EIF4G1: variants seen among roughly 807,000 people sequenced by gnomAD.
The protein encoded by EIF4G1 is EIF4-gamma.
Under a neutral mutation model 187.8 loss-of-function variants are expected in EIF4G1, and 4 were observed. The observed-to-expected ratio is 0.02, with a 90% confidence interval of 0.01 to 0.05. The LOEUF is 0.05. EIF4G1 is among the 10% of genes least tolerant of loss of function. EIF4G1 has a pLI of 1.00. For missense variants in EIF4G1, 1,647 were observed against 2,081.1 expected, an observed-to-expected ratio of 0.79 and a Z score of 4.06; for synonymous variants, 844 against 781.4, an observed-to-expected ratio of 1.08 and a Z score of -1.34.
In EIF4G1 at chr3:184,323,652, G is replaced by A. The variant is rs1724309791; in HGVS notation, c.2274+59G>A. On this transcript the variant is annotated intron_variant, in intron 15 of 32. Coordinates refer to ENST00000346169, the MANE Select transcript of EIF4G1 (RefSeq NM_198241.3). This position sits in a 1 kb window ranked among gnomAD's most constrained non-coding sequence, Gnocchi z 6.9. ...TTTCTTCTCCAGGTCTGCCATCTGT[G>A]CCCTCTTTGCTTCTTTTTGTCCTTA... 1 of 1,611,808 alleles carries A rather than the reference G, an allele frequency of 6.2e-7. No homozygotes were observed. The highest frequency in any genetic ancestry group is 8.5e-7 in the Non-Finnish European group (1 of 1,179,408).
rs1724599217 is a variant in EIF4G1, at chr3:184,324,933, G to A, written c.2675G>A (p.Arg892Gln). 1.9e-6 allele frequency: 3 copies of A among 1,614,222 alleles called. No homozygotes were observed. Among genetic ancestry groups the A allele is most frequent in the Middle Eastern group, 1.6e-4 (1 of 6,062 alleles). ...CTGGAAGAGGCTCGGGACATAGCCC[G>A]GCGGCGCTCTTTAGGGAATATCAAG... Reference protein sequence around the residue: ...EELEEARDIARRRSLGNIKFI... With the variant: ...EELEEARDIAQRRSLGNIKFI... Residue 892 changes from arginine (R) to glutamine (Q), a missense_variant, in exon 18 of 33, where the codon CGG becomes CAG. Physicochemically the swap from Arg to Gln is conservative, Grantham distance 43 (BLOSUM62 1). This residue lies in a region of EIF4G1 where 142 missense variants were observed against 296.6 expected (regional missense o/e 0.48). Coordinates refer to ENST00000346169, the MANE Select transcript of EIF4G1 (RefSeq NM_198241.3).
chr3:184,318,292 CAAAT>C (rs1294115560), intron 6 of EIF4G1, among the ~76,000 whole-genome samples: 4 of 152,164 alleles, frequency 2.6e-5, no homozygotes, highest in African/African-American at 9.7e-5. Flanking sequence ...AAAATTTAAA[CAAAT>C]ACACTTGTGC....
chr3:184,324,147 G>A, intron 16 of EIF4G1, 54 bp from the exon 17 acceptor site: 1 of 1,613,522 alleles, frequency 6.2e-7, no homozygotes, highest in Non-Finnish European at 8.5e-7. Flanking sequence ...GGCTCTTGGA[G>A]GGCCTTCCCT....
chr3:184,328,282 C>T (rs1220143859), intron 26 of EIF4G1: 2 of 487,678 alleles, frequency 4.1e-6, no homozygotes, highest in East Asian at 4.1e-5. Context: ...ATCCCAGCTA[C>T]TCGGAGGCTG....
intron 6 of EIF4G1, among the ~76,000 whole-genome samples, chr3:184,318,690 C>T (rs752037106): frequency 1.3e-5 from 2 of 152,146 alleles, no homozygotes; most frequent in South Asian, 2.1e-4. Flanking sequence ...CTGCAGCCTC[C>T]GCCTCTTGGG....
rs1016982345 is a variant in EIF4G1 at position 184,321,149 on chromosome 3, G to A, written c.698-133G>A. 3.2e-5 allele frequency: 48 copies of A among 1,488,266 alleles called. No individual in the cohort carries two copies. The African/African-American group carries it at 5.8e-4, about 18-fold the overall frequency. The allele number at this position is 1,488,266 out of a possible 1,614,324, so 92.2% of individuals were successfully genotyped here. On this transcript the variant is annotated intron_variant, in intron 9 of 32. Coordinates refer to ENST00000346169, the MANE Select transcript of EIF4G1 (RefSeq NM_198241.3). The stretch of plus-strand genomic sequence containing the variant: ...GGTGAATTGGGTTTTGGATGAAAGT[G>A]GAAGTATAGCTTAGGTGGGGAGAAG...
At chr3:184,316,312 T>A in intron 4 of EIF4G1, 94 bp downstream of exon 4, 1 of 1,482,298 alleles carries the variant, frequency 6.7e-7, no homozygotes, top group Admixed American at 1.9e-5. Context: ...GGAGGCCCCA[T>A]ACCTGGCCTT....
At position 184,317,303 on chromosome 3, in the gene EIF4G1, T is replaced by C; in HGVS notation, c.148-18T>C. On this transcript the variant is annotated intron_variant, in intron 4 of 32. Coordinates refer to ENST00000346169, the MANE Select transcript of EIF4G1 (RefSeq NM_198241.3). The stretch of plus-strand genomic sequence containing the variant: ...TCCTTCTCTTTACAATGCCAACTGC[T>C]TTCCTCCCTCCTGACAGCACTTCTA... 1 of 1,613,838 alleles carries C rather than the reference T, an allele frequency of 6.2e-7. No individual in the cohort carries two copies. Among genetic ancestry groups the C allele is most frequent in the Non-Finnish European group, 8.5e-7 (1 of 1,180,006 alleles).
chr3:184,316,683 C>A (rs1169901309), intron 4 of EIF4G1: 2 of 1,589,500 alleles, frequency 1.3e-6, no homozygotes, highest in African/African-American at 1.3e-5. Flanking sequence ...GGGGGTAATT[C>A]TCTTCTTTCC....
In EIF4G1 at chr3:184,323,639, G is replaced by A. The variant is rs766448911; in HGVS notation, c.2274+46G>A. The A allele has an allele frequency of 2.5e-6, 4 of 1,613,034 alleles. No individual in the cohort carries two copies. The South Asian group carries it at 3.3e-5, about 13-fold the overall frequency. ...TGGTCTCTCTCCATTTCTTCTCCAG[G>A]TCTGCCATCTGTGCCCTCTTTGCTT... On this transcript the variant is annotated intron_variant, in intron 15 of 32. Transcript: ENST00000346169. The surrounding 1 kb of genome is among the most constrained non-coding windows in gnomAD (Gnocchi z 6.9).
chr3:184,328,818 G>T, intron 27 of EIF4G1, 62 bp downstream of exon 27: 1 of 1,614,170 alleles, frequency 6.2e-7, no homozygotes, highest in East Asian at 2.2e-5. Flanking sequence ...GTAGGGAAAT[G>T]GCTGGGTTGG....
chr3:184,328,589 G>A, intron 26 of EIF4G1, 42 bp from the exon 27 acceptor site: 1 of 1,613,970 alleles, frequency 6.2e-7, no homozygotes. Context: ...AGGAGAGTGG[G>A]GACCTGGCCT....
At chr3:184,316,670 C>T in intron 4 of EIF4G1, 3 of 1,582,194 alleles carry the variant, frequency 1.9e-6, no homozygotes, top group Non-Finnish European at 2.6e-6. Context: ...CCGCCATCAC[C>T]TTGGGGGTAA....
Position 184,326,028 on chromosome 3 carries a change from G to A in EIF4G1, c.3222+77G>A, listed in dbSNP as rs536477571. 45 of 1,466,536 alleles carry A rather than the reference G, an allele frequency of 3.1e-5. No individual in the cohort carries two copies. The South Asian group carries it at 3.1e-4, about 10-fold the overall frequency. 90.8% of individuals were successfully genotyped at this position (1,466,536 alleles called of 1,614,324 possible). A position where few individuals can be genotyped will look rare whatever the true frequency, so the allele number is the denominator to read the frequency against. ...CCTTCACTTTTCTAAAGTTGAGAAGGTGACAGCTGAATGTTTCCTCTTAGA... is the reference window on the plus strand; with the variant it reads ...CCTTCACTTTTCTAAAGTTGAGAAGATGACAGCTGAATGTTTCCTCTTAGA... On this transcript the variant is annotated intron_variant, in intron 21 of 32. Transcript: ENST00000346169.
In EIF4G1 at chr3:184,321,367, G is replaced by T; in HGVS notation, c.783G>T (p.Ser261=). Residue 261 remains serine (S), a synonymous_variant, in exon 10 of 33, where the codon TCG becomes TCT. Coordinates refer to ENST00000346169, the MANE Select transcript of EIF4G1 (RefSeq NM_198241.3). ...EHSPSESQPS[S]PSPTPSPSPV... is the part of the protein sequence containing the mutation. Reference sequence around the variant, plus strand: ...GCCCTTCAGAATCCCAGCCTTCGTCGCCTTCTCCGACCCCATCACCATCCC... The same window carrying T: ...GCCCTTCAGAATCCCAGCCTTCGTCTCCTTCTCCGACCCCATCACCATCCC... 3 of 1,614,072 alleles carry T rather than the reference G, an allele frequency of 1.9e-6. No individual in the cohort carries two copies. The highest frequency in any genetic ancestry group is 2.5e-6 in the Non-Finnish European group (3 of 1,180,022).
At chr3:184,318,889 G>C (rs1010866014) in intron 6 of EIF4G1, among the ~76,000 whole-genome samples, 1 of 150,542 alleles carries the variant, frequency 6.6e-6, no homozygotes, top group Non-Finnish European at 1.5e-5. Flanking sequence ...ATAGGCGTGA[G>C]CCACCACGCC....
At position 184,331,954 on chromosome 3, in the gene EIF4G1, C is replaced by T. The variant is rs564053526; in HGVS notation, c.4486C>T (p.Pro1496Ser). 1.2e-5 allele frequency: 20 copies of T among 1,614,086 alleles called. No homozygotes were observed. Among genetic ancestry groups the T allele is most frequent in the African/African-American group, 2.7e-5 (2 of 74,926 alleles). Residue 1496 changes from proline to serine, a missense_variant, in exon 32 of 33, where the codon CCC becomes TCC. Pro to Ser is a moderately conservative substitution (Grantham distance 74, BLOSUM62 -1). Transcript: ENST00000346169. ...VCYSAIIFET[P>S]LRVDVAVLKA... ...TCCCTGTCTTCTTGTAGTTGAGACT[C>T]CCCTCCGAGTGGACGTTGCAGTGCT...
At chr3:184,324,708 G>T (rs1157337179) in intron 17 of EIF4G1, among the ~76,000 whole-genome samples, 170 bp from the exon 18 acceptor site, 1 of 152,018 alleles carries the variant, frequency 6.6e-6, no homozygotes. Flanking sequence ...CAAGTGATCC[G>T]CCTGCCTCAG....
chr3:184,324,465 A>C, intron 17 of EIF4G1, 118 bp downstream of exon 17: 1 of 1,506,680 alleles, frequency 6.6e-7, no homozygotes, highest in Non-Finnish European at 9.1e-7. Flanking sequence ...TCTCTGGCTC[A>C]GGACGTTTTT....
Sources: allele counts gnomAD v4.1 joint callset (sites outside exome capture counted in the v4.1 genomes callset), GRCh38; gene constraint gnomAD v4.1.1; regional missense constraint gnomAD v4.1.1; non-coding constraint Gnocchi (gnomAD v3.1); transcripts MANE v1.5; gene names NCBI Gene and HGNC (gene_info 2026-07-23, HGNC 2026-07-21).